Variants in BSDC1 observed in about 807,000 individuals in gnomAD.
BSDC1 encodes the protein BSD domain containing 1.
A neutral mutation model predicts 56.0 loss-of-function variants in BSDC1; 29 were observed. The observed-to-expected ratio is 0.52, with a 90% confidence interval of 0.39 to 0.71. BSDC1 has a LOEUF of 0.71. BSDC1 is among the 30% of genes least tolerant of loss of function. BSDC1 has a pLI of 0.00. For missense variants in BSDC1, 477 were observed against 548.5 expected, an observed-to-expected ratio of 0.87 and a Z score of 1.30; for synonymous variants, 210 against 215.3, an observed-to-expected ratio of 0.98 and a Z score of 0.21.
At chr1:32,380,647 AAAACAAAC>A (rs537750402) in intron 5 of BSDC1, among the ~76,000 whole-genome samples, 88 of 151,996 alleles carry the variant, frequency 5.8e-4, no homozygotes, top group Middle Eastern at 3.4e-3. Context: ...CTCCATCTCA[AAAACAAAC>A]AAACAAACAA....
rs764986437 is a variant in BSDC1 at position 32,366,330 on chromosome 1, G to A, written c.*292C>T. On this transcript the variant is annotated 3_prime_UTR_variant, in exon 11 of 11. Coordinates refer to ENST00000455895, the MANE Select transcript of BSDC1 (RefSeq NM_018045.8). ...CCCAGCAGGAGTCCTCAGGAACAGT[G>A]GGTGTTCAGCAGAAAAACACAGGCT... is the stretch of plus-strand genomic sequence containing the variant. The A allele has an allele frequency of 3.2e-6, 2 of 616,244 alleles. No homozygotes were observed. Among genetic ancestry groups the A allele is most frequent in the South Asian group, 1.7e-5 (1 of 59,620 alleles). The allele number at this position is 616,244 out of a possible 1,614,324, so 38.2% of individuals were successfully genotyped here.
chr1:32,379,872 G>T (rs1473868110), intron 5 of BSDC1, among the ~76,000 whole-genome samples: 1 of 152,168 alleles, frequency 6.6e-6, no homozygotes, highest in Non-Finnish European at 1.5e-5. Flanking sequence ...CCTGTCTTCT[G>T]TCTTTCTCTC....
intron 9 of BSDC1, among the ~76,000 whole-genome samples, chr1:32,370,803 C>CA (rs58351365): frequency 0.041 from 2,047 of 50,068 alleles, 174 homozygotes; most frequent in East Asian, 0.051. Context: ...GACTCCGTCT[C>CA]AAAAAAAAAA....
chr1:32,366,605 T>TGCTCCCTCTG lies in BSDC1; in HGVS notation c.*7_*16dup, dbSNP rs1641861237. 1 of 1,510,402 alleles carries TGCTCCCTCTG rather than the reference T, an allele frequency of 6.6e-7. No homozygotes were observed. 93.6% of individuals were successfully genotyped at this position (1,510,402 alleles called of 1,614,324 possible). On this transcript the variant is annotated 3_prime_UTR_variant, in exon 11 of 11. Transcript: ENST00000455895. ...CGAGAGATGCCATGGGTGGGGGAGC[T>TGCTCCCTCTG]GCTCCCTCTGGCTCCCTCACTCCCA...
intron 4 of BSDC1, among the ~76,000 whole-genome samples, chr1:32,382,239 A>T (rs1256989561): frequency 6.6e-6 from 1 of 151,848 alleles, no homozygotes; most frequent in Admixed American, 6.6e-5. Context: ...AAAAAAAAAA[A>T]AAAACAGAAG....
chr1:32,377,183 G>A (rs150365224), intron 8 of BSDC1, among the ~76,000 whole-genome samples: 30 of 151,998 alleles, frequency 2.0e-4, no homozygotes, highest in South Asian at 8.3e-4. Context: ...TCACCCCTTC[G>A]CCATCACAAC....
intron 4 of BSDC1, among the ~76,000 whole-genome samples, chr1:32,381,880 C>T (rs1276537855): frequency 2.0e-5 from 3 of 152,196 alleles, no homozygotes; most frequent in African/African-American, 4.8e-5. Context: ...TAAGTGGTGG[C>T]GCTAATGCTA....
chr1:32,371,472 G>A (rs891502938), intron 9 of BSDC1, among the ~76,000 whole-genome samples: 6 of 151,622 alleles, frequency 4.0e-5, no homozygotes, highest in Non-Finnish European at 8.8e-5. Context: ...CACCACGCCC[G>A]GCTAATTTTT....
intron 2 of BSDC1, among the ~76,000 whole-genome samples, chr1:32,391,861 C>T (rs1362197334): frequency 6.6e-6 from 1 of 152,180 alleles, no homozygotes; most frequent in Non-Finnish European, 1.5e-5. Flanking sequence ...AAGAGGTTTT[C>T]CCATCAGCCT....
intron 2 of BSDC1, among the ~76,000 whole-genome samples, chr1:32,389,018 G>A (rs867024736): frequency 6.7e-6 from 1 of 149,650 alleles, no homozygotes; most frequent in African/African-American, 2.5e-5. Context: ...GCAGTGGCGC[G>A]ATCTCTGCTC....
chr1:32,371,002 G>A (rs921364630), intron 9 of BSDC1, among the ~76,000 whole-genome samples: 4 of 151,980 alleles, frequency 2.6e-5, no homozygotes, highest in African/African-American at 9.7e-5. Context: ...TCTGATGCCT[G>A]TCTGTACTAT....
chr1:32,393,913 G>T, intron 2 of BSDC1, 167 bp downstream of exon 2: 4 of 628,178 alleles, frequency 6.4e-6, no homozygotes, highest in East Asian at 5.5e-5. Flanking sequence ...ACTGGTTTGC[G>T]TCGAGGTCTG....
chr1:32,392,986 T>C (rs998857909), intron 2 of BSDC1, among the ~76,000 whole-genome samples: 1 of 152,138 alleles, frequency 6.6e-6, no homozygotes, highest in East Asian at 1.9e-4. Context: ...ATCACTTCAA[T>C]CTGGGAGGCA....
Position 32,366,779 on chromosome 1 carries a change from T to A in BSDC1, c.1261-125A>T, listed in dbSNP as rs1194343945. The A allele has an allele frequency of 4.2e-6, 6 of 1,426,780 alleles. No homozygotes were observed. The East Asian group carries it at 1.6e-4, about 38-fold the overall frequency. The allele number at this position is 1,426,780 out of a possible 1,614,324, so 88.4% of individuals were successfully genotyped here. A position where few individuals can be genotyped will look rare whatever the true frequency, so the allele number is the denominator to read the frequency against. ...CCCTACCCCAGGCCATACTCTGAGG[T>A]CCCACTGAGAGTGAACCCCTAGTCT... On this transcript the variant is annotated intron_variant, in intron 10 of 10. Coordinates refer to ENST00000455895, the MANE Select transcript of BSDC1 (RefSeq NM_018045.8).
At chr1:32,377,840 C>A (rs1217519659) in intron 8 of BSDC1, 130 bp downstream of exon 8, 4 of 785,784 alleles carry the variant, frequency 5.1e-6, no homozygotes, top group African/African-American at 1.7e-5. Context: ...TATCCTCACA[C>A]ATACAATGTG....
At position 32,394,231 on chromosome 1, in the gene BSDC1, G is replaced by A. The variant is rs577406115; in HGVS notation, c.12-91C>T. 3 of 1,566,766 alleles carry A rather than the reference G, an allele frequency of 1.9e-6. No individual in the cohort carries two copies. In the East Asian group the frequency reaches 6.9e-5, roughly 36 times the overall value. On this transcript the variant is annotated intron_variant, in intron 1 of 10. Transcript: ENST00000455895. Reference sequence around the variant, plus strand: ...GTTCCCCGCTCAGATGTACCCTGCGGGCCGAGGCTTCGCAGACCGCTTGCC... The same window carrying A: ...GTTCCCCGCTCAGATGTACCCTGCGAGCCGAGGCTTCGCAGACCGCTTGCC...
intron 10 of BSDC1, chr1:32,367,362 G>C: frequency 1.0e-6 from 1 of 985,472 alleles, no homozygotes; most frequent in Non-Finnish European, 1.2e-6. Flanking sequence ...CCTGTGGCCT[G>C]ACAGGGCACT....
At chr1:32,372,429 C>T (rs1030744534) in intron 9 of BSDC1, among the ~76,000 whole-genome samples, 1 of 152,230 alleles carries the variant, frequency 6.6e-6, no homozygotes, top group Non-Finnish European at 1.5e-5. Context: ...TCTCTTCAGG[C>T]TTAAATGCTA....
In BSDC1 at chr1:32,379,445, G is replaced by A. The variant is rs187633099; in HGVS notation, c.413-606C>T. ...GGCTACTCTCTTGGCCCCAGATCCA[G>A]AGGTCCAGGTACCCCCGATACTTCC... is the stretch of plus-strand genomic sequence containing the variant. On this transcript the variant is annotated intron_variant, in intron 5 of 10. Transcript: ENST00000455895. Among the ~76,000 whole-genome samples the A allele has an allele frequency of 2.6e-5, 4 of 152,094 alleles. No homozygotes were observed. The East Asian group carries it at 7.7e-4, about 29-fold the overall frequency.
Sources: allele counts gnomAD v4.1 joint callset (sites outside exome capture counted in the v4.1 genomes callset), GRCh38; gene constraint gnomAD v4.1.1; transcripts MANE v1.5; gene names NCBI Gene and HGNC (gene_info 2026-07-23, HGNC 2026-07-21).